NPHP4: variants seen among roughly 807,000 people sequenced by gnomAD.
NPHP4 encodes nephrocystin-4.
A neutral mutation model predicts 155.8 loss-of-function variants in NPHP4; 151 were observed. That is an observed-to-expected ratio of 0.97 (90% CI 0.85 to 1.11). The LOEUF (loss-of-function observed/expected upper bound fraction) is 1.11. Among genes scored for constraint, NPHP4 ranks in the 50% least tolerant of loss-of-function variants. The pLI is 0.00. For synonymous variants in NPHP4, 845 were observed against 816.8 expected, an observed-to-expected ratio of 1.03 and a Z score of -0.59; for missense variants, 1,956 against 1,925.7, an observed-to-expected ratio of 1.02 and a Z score of -0.29.
chr1:5,928,378 T>C (rs1037986712), intron 10 of NPHP4, among the ~76,000 whole-genome samples: 2 of 152,282 alleles, frequency 1.3e-5, no homozygotes, highest in African/African-American at 4.8e-5. Flanking sequence ...TCCAAGTTGT[T>C]ACATACACAT....
chr1:5,919,008 T>C (rs753643611), intron 11 of NPHP4, among the ~76,000 whole-genome samples: 2 of 152,252 alleles, frequency 1.3e-5, no homozygotes, highest in African/African-American at 4.8e-5. Flanking sequence ...CTGCAAACTA[T>C]GGTCCACAGG....
Position 5,890,944 on chromosome 1 carries a change from G to T in NPHP4, c.2228C>A (p.Ala743Asp). Residue 743 changes from alanine (A) to aspartate (D), a missense_variant, in exon 17 of 30, where the codon GCC becomes GAC. Transcript: ENST00000378156. This position sits in a 1 kb window ranked among gnomAD's most constrained non-coding sequence, Gnocchi z 4.9. ...GACGTCAATCTGCAGGGTCTGCACG[G>T]CCAGGTAGCGGGCAAAGCAGCGCCG... ...GERRCFARYL[A>D]VQTLQIDVWD... 6.2e-7 allele frequency: 1 copy of T among 1,606,434 alleles called. No homozygotes were observed. Among genetic ancestry groups the T allele is most frequent in the Non-Finnish European group, 8.5e-7 (1 of 1,175,154 alleles).
intron 1 of NPHP4, among the ~76,000 whole-genome samples, chr1:5,991,784 G>A (rs1384976075): frequency 6.6e-6 from 1 of 151,956 alleles, no homozygotes; most frequent in Non-Finnish European, 1.5e-5. Flanking sequence ...GGGGGGCGGG[G>A]AGGAGGGGCG....
intron 3 of NPHP4, among the ~76,000 whole-genome samples, chr1:5,972,544 A>T (rs1570706560): frequency 6.6e-6 from 1 of 152,288 alleles, no homozygotes; most frequent in African/African-American, 2.4e-5. Flanking sequence ...CCAGCTCCTA[A>T]ACACAGCCTG....
At position 5,863,168 on chromosome 1, in the gene NPHP4, A is replaced by T. The variant is rs1016911668; in HGVS notation, c.*97T>A. On this transcript the variant is annotated 3_prime_UTR_variant, in exon 30 of 30. Transcript: ENST00000378156. ...GGTCAGCCAGGTGGGCACTGAAGTG[A>T]AAGGCTGCAGAGAGGCGGGGAGGAC... 2.3e-5 allele frequency: 31 copies of T among 1,373,066 alleles called. No homozygotes were observed. The highest frequency in any genetic ancestry group is 1.9e-4 in the Middle Eastern group (1 of 5,166). The allele number at this position is 1,373,066 out of a possible 1,614,324, so 85.1% of individuals were successfully genotyped here. A position where few individuals can be genotyped will look rare whatever the true frequency, so the allele number is the denominator to read the frequency against.
At chr1:5,884,786 A>G (rs1643625993) in intron 18 of NPHP4, among the ~76,000 whole-genome samples, 1 of 137,384 alleles carries the variant, frequency 7.3e-6, no homozygotes, top group Non-Finnish European at 1.5e-5. Flanking sequence ...CCTACTCCAC[A>G]ACCAAGATCA....
chr1:5,986,119 C>G (rs1210563143), intron 2 of NPHP4, 36 bp downstream of exon 2: 1 of 1,611,532 alleles, frequency 6.2e-7, no homozygotes, highest in East Asian at 2.2e-5. Context: ...CAGCTAAGAG[C>G]AATAACACGC....
chr1:5,925,086 T>C (rs928510907), intron 11 of NPHP4, among the ~76,000 whole-genome samples: 1 of 152,258 alleles, frequency 6.6e-6, no homozygotes, highest in African/African-American at 2.4e-5. Flanking sequence ...GTTTATTATG[T>C]ATTACTACTG....
chr1:5,901,934 G>A (rs1644702391), intron 16 of NPHP4, among the ~76,000 whole-genome samples: 1 of 152,196 alleles, frequency 6.6e-6, no homozygotes, highest in Non-Finnish European at 1.5e-5. Flanking sequence ...GAACCGCCCT[G>A]GTGGTGACCA....
intron 9 of NPHP4, among the ~76,000 whole-genome samples, chr1:5,942,149 G>T (rs770498795): frequency 1.3e-5 from 2 of 152,052 alleles, no homozygotes; most frequent in African/African-American, 4.8e-5. Context: ...TTGCTCACAC[G>T]GACCACTACC....
At chr1:5,893,967 T>G (rs1269252114) in intron 16 of NPHP4, among the ~76,000 whole-genome samples, 2 of 152,240 alleles carry the variant, frequency 1.3e-5, no homozygotes, top group African/African-American at 4.8e-5. Flanking sequence ...GCCTGGTTTT[T>G]CCTAGGTTAT....
In NPHP4 at chr1:5,867,149, C is replaced by T; in HGVS notation, c.3473-34G>A. On this transcript the variant is annotated intron_variant, in intron 24 of 29. Transcript: ENST00000378156. The surrounding 1 kb of genome is among the most constrained non-coding windows in gnomAD (Gnocchi z 4.1). ...GGGGAAATGTCAAAAAGAGTCTTCT[C>T]CACAGCCCCAGCCTGTGTGGAGAAG... 1 of 1,522,674 alleles carries T rather than the reference C, an allele frequency of 6.6e-7. No individual in the cohort carries two copies. Among genetic ancestry groups the T allele is most frequent in the African/African-American group, 1.4e-5 (1 of 73,164 alleles). The allele number at this position is 1,522,674 out of a possible 1,614,324, so 94.3% of individuals were successfully genotyped here.
At chr1:5,898,622 G>GC (rs1216363582) in intron 16 of NPHP4, among the ~76,000 whole-genome samples, 2 of 152,236 alleles carry the variant, frequency 1.3e-5, no homozygotes, top group Non-Finnish European at 2.9e-5. Flanking sequence ...TGGAACCAAG[G>GC]CATTCTCCCA....
chr1:5,916,411 T>G (rs149715541), intron 11 of NPHP4, among the ~76,000 whole-genome samples: 1 of 152,292 alleles, frequency 6.6e-6, no homozygotes, highest in African/African-American at 2.4e-5. Flanking sequence ...TCTCTTACAT[T>G]GGGTTTTGAG....
chr1:5,864,572 G>T, intron 27 of NPHP4, 55 bp from the exon 28 acceptor site: 3 of 1,423,566 alleles, frequency 2.1e-6, no homozygotes, highest in Non-Finnish European at 2.8e-6. Flanking sequence ...GTGCAAGCAA[G>T]GGGCTCCTGG....
chr1:5,907,780 C>T (rs1309276902), intron 12 of NPHP4, among the ~76,000 whole-genome samples: 5 of 152,208 alleles, frequency 3.3e-5, no homozygotes, highest in Non-Finnish European at 5.9e-5. Flanking sequence ...GCCTCAGTCT[C>T]CTCACCTGTA....
chr1:5,921,996 T>A (rs1645763466), intron 11 of NPHP4, among the ~76,000 whole-genome samples: 1 of 152,234 alleles, frequency 6.6e-6, no homozygotes. Flanking sequence ...ACTAAGGTGC[T>A]CATCAGCTGA....
intron 18 of NPHP4, 128 bp downstream of exon 18, chr1:5,887,158 T>G: frequency 1.1e-6 from 1 of 886,684 alleles, no homozygotes; most frequent in South Asian, 1.8e-5. Context: ...GCCAAGCTGG[T>G]GAGAATTCTC....
At chr1:5,977,828 G>C (rs551858095) in intron 3 of NPHP4, among the ~76,000 whole-genome samples, 30 of 120,902 alleles carry the variant, frequency 2.5e-4, no homozygotes, top group Non-Finnish European at 4.0e-4. Context: ...ATCTTAGTTT[G>C]TCTATACAGG....
Sources: allele counts gnomAD v4.1 joint callset (sites outside exome capture counted in the v4.1 genomes callset), GRCh38; gene constraint gnomAD v4.1.1; non-coding constraint Gnocchi (gnomAD v3.1); transcripts MANE v1.5; gene names NCBI Gene and HGNC (gene_info 2026-07-23, HGNC 2026-07-21).